BCAR3: variants seen among roughly 807,000 people sequenced by gnomAD.
The protein encoded by BCAR3 is breast cancer anti-estrogen resistance protein 3.
A neutral mutation model predicts 80.1 loss-of-function variants in BCAR3; 37 were observed. That is an observed-to-expected ratio of 0.46 (90% CI 0.36 to 0.61). BCAR3 has a LOEUF of 0.61. Among genes scored for constraint, BCAR3 ranks in the 20% least tolerant of loss-of-function variants. The pLI, the probability that BCAR3 is intolerant of heterozygous loss-of-function variation, is 0.00. For missense variants in BCAR3, 978 were observed against 1,068.2 expected (o/e 0.92, Z 1.18); for synonymous variants, 389 against 418.9 (o/e 0.93, Z 0.87).
intron 3 of BCAR3, among the ~76,000 whole-genome samples, chr1:93,624,892 C>T (rs1419490329): frequency 3.3e-5 from 5 of 152,324 alleles, no homozygotes; most frequent in Admixed American, 6.5e-5. Flanking sequence ...GGCTGAATTA[C>T]GGCTGCTTCC....
intron 2 of BCAR3, among the ~76,000 whole-genome samples, chr1:93,724,234 G>T (rs974143274): frequency 6.6e-6 from 1 of 152,170 alleles, no homozygotes; most frequent in Non-Finnish European, 1.5e-5. Flanking sequence ...GGTGGCTGGG[G>T]GGTCCATGTC....
intron 2 of BCAR3, among the ~76,000 whole-genome samples, chr1:93,715,849 G>A (rs542631954): frequency 3.3e-5 from 5 of 152,236 alleles, no homozygotes; most frequent in East Asian, 3.9e-4. Context: ...TGGCCTTGAC[G>A]TTGCCCTTTT....
intron 2 of BCAR3, among the ~76,000 whole-genome samples, chr1:93,744,522 G>C (rs1375595576): frequency 1.3e-5 from 2 of 152,164 alleles, no homozygotes; most frequent in African/African-American, 4.8e-5. Flanking sequence ...TGATGAAGAG[G>C]CTGGCCCTTC....
intron 3 of BCAR3, among the ~76,000 whole-genome samples, chr1:93,614,835 G>T (rs1222853839): frequency 2.0e-5 from 3 of 151,836 alleles, no homozygotes; most frequent in Non-Finnish European, 4.4e-5. Flanking sequence ...TACCCACTTT[G>T]CGTAACCTAG....
chr1:93,571,509 AAGT>A lies in BCAR3; in HGVS notation c.1974+158_1974+160del, dbSNP rs142828873. On this transcript the variant is annotated intron_variant, in intron 9 of 11. Coordinates refer to ENST00000260502, the MANE Select transcript of BCAR3 (RefSeq NM_003567.4). ...ATTCTGTCTCAAAAAAGAAAAAAAAAAGTAGACCCCAAATACTTAGGACACTGT... is the reference window on the plus strand; with the variant it reads ...ATTCTGTCTCAAAAAAGAAAAAAAAAAGACCCCAAATACTTAGGACACTGT... The A allele has an allele frequency of 9.5e-4, 859 of 905,228 alleles. 7 individuals are homozygous for A. In the African/African-American group the frequency reaches 0.013, roughly 14 times the overall value. 56.1% of individuals were successfully genotyped at this position (905,228 alleles called of 1,614,324 possible).
rs184108959 is a variant in BCAR3, at chr1:93,719,824, T to G, written c.-62-13682A>C. The stretch of plus-strand genomic sequence containing the variant: ...ATGGAGAGAGAATCTCTGATCCTTC[T>G]GGGAAGAGGAATTGGGTCCCTTGAT... On this transcript the variant is annotated intron_variant, in intron 2 of 13. Coordinates refer to the BCAR3 transcript ENST00000370244. 1.5e-3 allele frequency among the ~76,000 whole-genome samples: 235 copies of G among 152,352 alleles called. 1 individual carries two copies. Among genetic ancestry groups the G allele is most frequent in the African/African-American group, 5.4e-3 (226 of 41,586 alleles).
At chr1:93,574,058 G>GTGTT (rs1391116146) in intron 8 of BCAR3, among the ~76,000 whole-genome samples, 1 of 152,154 alleles carries the variant, frequency 6.6e-6, no homozygotes, top group Non-Finnish European at 1.5e-5. Flanking sequence ...TCTTTATTCA[G>GTGTT]TGTTTTCTCT....
At chr1:93,691,110 C>T (rs1344756241) in intron 3 of BCAR3, among the ~76,000 whole-genome samples, 2 of 152,222 alleles carry the variant, frequency 1.3e-5, no homozygotes, top group East Asian at 1.9e-4. Flanking sequence ...TTGCCCAAGG[C>T]CACTGAGCAA....
At chr1:93,567,127 G>A in intron 11 of BCAR3, 152 bp downstream of exon 11, 1 of 911,150 alleles carries the variant, frequency 1.1e-6, no homozygotes, top group South Asian at 1.8e-5. Context: ...GGAATTAAGA[G>A]GAAGTAATAA....
At chr1:93,634,634 G>A (rs1675721655) in intron 3 of BCAR3, among the ~76,000 whole-genome samples, 1 of 151,960 alleles carries the variant, frequency 6.6e-6, no homozygotes, top group Admixed American at 6.6e-5. Context: ...AGTGGAGGTT[G>A]CAATGAGTCA....
intron 2 of BCAR3, among the ~76,000 whole-genome samples, chr1:93,742,930 G>A (rs892521722): frequency 3.9e-5 from 6 of 152,160 alleles, no homozygotes; most frequent in South Asian, 2.1e-4. Context: ...TTGAAATGCC[G>A]CCTCTTTCAT....
rs1042034007 is a variant in BCAR3 at position 93,702,516 on chromosome 1, T to C, written c.-12+3576A>G. Among the ~76,000 whole-genome samples the C allele has an allele frequency of 1.2e-4, 18 of 149,800 alleles. 3 individuals carry two copies. Among genetic ancestry groups the C allele is most frequent in the Admixed American group, 6.0e-4 (9 of 15,100 alleles). On this transcript the variant is annotated intron_variant, in intron 3 of 13. Transcript: ENST00000370244. ...TGAGCAATGGAAGTGGCAGTGAGTC[T>C]GTGCTCATGGAGTTCCTGGGCTCAG...
At chr1:93,778,301 A>G (rs1185661058) in intron 2 of BCAR3, among the ~76,000 whole-genome samples, 2 of 152,264 alleles carry the variant, frequency 1.3e-5, no homozygotes, top group East Asian at 3.8e-4. Flanking sequence ...AAGAAAATGT[A>G]TCATTAGTTT....
chr1:93,765,584 A>T (rs1316903991), intron 2 of BCAR3, among the ~76,000 whole-genome samples: 5 of 152,036 alleles, frequency 3.3e-5, no homozygotes, highest in Admixed American at 6.6e-5. Context: ...ATCACCTCTC[A>T]AAGTTTCCTC....
Position 93,795,351 on chromosome 1 carries a change from A to G in BCAR3, c.-63+50216T>C, listed in dbSNP as rs372438842. Among the ~76,000 whole-genome samples, 3 of 82,902 alleles carry G rather than the reference A, an allele frequency of 3.6e-5. No homozygotes were observed. The East Asian group carries it at 1.3e-3, about 35-fold the overall frequency. The allele number at this position is 82,902 out of a possible 152,430, so 54.4% of individuals were successfully genotyped here. ...CCCATATTTCTTGGAGGCTTTGCTC[A>G]TTTCTTTTTATTCTTTTTTCTCTAA... On this transcript the variant is annotated intron_variant, in intron 2 of 13. Coordinates refer to the BCAR3 transcript ENST00000370244.
At chr1:93,676,521 A>G (rs1648496483) in intron 1 of BCAR3, among the ~76,000 whole-genome samples, 1 of 152,170 alleles carries the variant, frequency 6.6e-6, no homozygotes, top group Admixed American at 6.5e-5. Context: ...CTGGGACCAC[A>G]CAGAAGGTCT....
chr1:93,659,549 C>T (rs574882524), intron 2 of BCAR3, among the ~76,000 whole-genome samples: 38 of 151,666 alleles, frequency 2.5e-4, no homozygotes, highest in African/African-American at 9.2e-4. Context: ...ATTCCTTCTA[C>T]TATAATAGAA....
intron 2 of BCAR3, among the ~76,000 whole-genome samples, chr1:93,844,401 G>C (rs1230166196): frequency 6.6e-6 from 1 of 152,192 alleles, no homozygotes; most frequent in Non-Finnish European, 1.5e-5. Context: ...GCTGCAATCA[G>C]CCTAATTGAA....
chr1:93,695,166 T>A (rs561211886), intron 3 of BCAR3, among the ~76,000 whole-genome samples: 1 of 152,344 alleles, frequency 6.6e-6, no homozygotes, highest in Non-Finnish European at 1.5e-5. Flanking sequence ...CCACCCATGG[T>A]TAATCACATG....
Sources: gnomAD v4.1 joint callset for allele counts (sites outside exome capture counted in the v4.1 genomes callset) on GRCh38, gnomAD v4.1.1 for gene constraint, MANE v1.5 for transcripts, NCBI Gene and HGNC (gene_info 2026-07-23, HGNC 2026-07-21) for gene names.